Variants in DDX23 observed in about 807,000 individuals in gnomAD.
The protein encoded by DDX23 is DEAD-box helicase 23.
DDX23 carries 33 observed loss-of-function variants against 102.7 expected under a neutral mutation model. The observed-to-expected ratio is 0.32, with a 90% CI of 0.24 to 0.43. The LOEUF (loss-of-function observed/expected upper bound fraction) is 0.43, where lower values mean the gene tolerates loss of function less well. DDX23 is among the 20% of genes least tolerant of loss of function. DDX23 has a pLI of 1.00. For synonymous variants in DDX23, 352 were observed against 376.0 expected (o/e 0.94, Z 0.74); for missense variants, 549 against 1,086.6 (o/e 0.51, Z 6.96).
At chr12:48,843,426 C>T (rs898893383) in intron 3 of DDX23, among the ~76,000 whole-genome samples, 1 of 151,804 alleles carries the variant, frequency 6.6e-6, no homozygotes, top group Non-Finnish European at 1.5e-5. Flanking sequence ...GATCACACCA[C>T]TGCACTCCAG....
chr12:48,850,863 G>A (rs772700490), intron 1 of DDX23, among the ~76,000 whole-genome samples: 8 of 152,170 alleles, frequency 5.3e-5, no homozygotes, highest in Non-Finnish European at 1.0e-4. Context: ...CAGTTGCATT[G>A]CGGGAATGGA....
intron 2 of DDX23, among the ~76,000 whole-genome samples, chr12:48,845,134 A>G (rs1938642382): frequency 6.8e-6 from 1 of 146,948 alleles, no homozygotes; most frequent in African/African-American, 2.6e-5. Flanking sequence ...CCTGGGAAAC[A>G]AGAGTGAAAC....
Position 48,832,758 on chromosome 12 carries a change from G to C in DDX23, c.1804-185C>G. On this transcript the variant is annotated intron_variant, in intron 13 of 16. Transcript: ENST00000308025. This position sits in a 1 kb window ranked among gnomAD's most constrained non-coding sequence, Gnocchi z 4.4. The stretch of plus-strand genomic sequence containing the variant: ...CCTTCCTGAGTACCTGCTCATCAAG[G>C]CACTTTCCATCTTATGATGACAGGA... 1 of 707,766 alleles carries C rather than the reference G, an allele frequency of 1.4e-6. No homozygotes were observed. Among genetic ancestry groups the C allele is most frequent in the Middle Eastern group, 4.2e-4 (1 of 2,386 alleles). 43.8% of individuals were successfully genotyped at this position (707,766 alleles called of 1,614,324 possible).
intron 3 of DDX23, among the ~76,000 whole-genome samples, chr12:48,840,550 AT>A (rs747756955): frequency 0.41 from 53,491 of 131,826 alleles, 9,626 homozygotes; most frequent in East Asian, 0.53. Flanking sequence ...TTAGAGAAAA[AT>A]TTTTTTTTTT....
intron 5 of DDX23, 184 bp downstream of exon 5, chr12:48,839,656 TGAGG>T (rs1299003868): frequency 1.7e-6 from 1 of 588,210 alleles, no homozygotes; most frequent in African/African-American, 1.9e-5. Flanking sequence ...TGTGAAGAGC[TGAGG>T]AAGAAGACAG....
chr12:48,838,132 C>G, intron 5 of DDX23, 52 bp from the exon 6 acceptor site: 1 of 1,609,552 alleles, frequency 6.2e-7, no homozygotes, highest in Non-Finnish European at 8.5e-7. Flanking sequence ...AGGGTACAAT[C>G]ACATCACTGA....
intron 1 of DDX23, among the ~76,000 whole-genome samples, chr12:48,850,679 C>A (rs560953236): frequency 6.6e-6 from 1 of 152,156 alleles, no homozygotes; most frequent in African/African-American, 2.4e-5. Flanking sequence ...GAACTAGCAG[C>A]CAGTGAGAAA....
intron 3 of DDX23, among the ~76,000 whole-genome samples, chr12:48,840,398 C>T (rs1445451794): frequency 3.3e-5 from 5 of 152,148 alleles, no homozygotes; most frequent in South Asian, 2.1e-4. Flanking sequence ...AGGCCAGGCG[C>T]GGTGTCTCAT....
chr12:48,839,776 A>G, intron 5 of DDX23, 68 bp downstream of exon 5: 1 of 1,514,992 alleles, frequency 6.6e-7, no homozygotes, highest in Non-Finnish European at 9.1e-7. Flanking sequence ...CTGTCGTTGA[A>G]GTCACCCAGT....
intron 11 of DDX23, chr12:48,834,804 G>A (rs188016613): frequency 5.1e-4 from 120 of 233,414 alleles, no homozygotes; most frequent in African/African-American, 2.0e-3. Context: ...CGTGGTGGCC[G>A]GCGCCTGTAA....
In DDX23 at chr12:48,830,730, A is replaced by C; in HGVS notation, c.2240-38T>G. The C allele has an allele frequency of 6.4e-7, 1 of 1,556,472 alleles. No homozygotes were observed. Among genetic ancestry groups the C allele is most frequent in the Non-Finnish European group, 8.7e-7 (1 of 1,148,980 alleles). On this transcript the variant is annotated intron_variant, in intron 16 of 16. Coordinates refer to ENST00000308025, the MANE Select transcript of DDX23 (RefSeq NM_004818.3). The surrounding 1 kb of genome is among the most constrained non-coding windows in gnomAD (Gnocchi z 4.9). ...AAGAACGTCACTCAGCATAGCCCAG[A>C]TGCCCTGGGGAGCCGTGTCTGATGC...
chr12:48,839,944 T>G, intron 4 of DDX23, 35 bp from the exon 5 acceptor site: 1 of 1,612,432 alleles, frequency 6.2e-7, no homozygotes, highest in Non-Finnish European at 8.5e-7. Flanking sequence ...CTATAAAGGC[T>G]CTCTCCCTTT....
Position 48,836,665 on chromosome 12 carries a change from G to A in DDX23, c.1140C>T (p.Thr380=). 1 of 1,614,202 alleles carries A rather than the reference G, an allele frequency of 6.2e-7. No individual in the cohort carries two copies. The highest frequency in any genetic ancestry group is 1.1e-5 in the South Asian group (1 of 91,080). ...GATTGGGGATCTTGCCACCTTTGGT[G>A]GTGATGCTGTAGTCCTCACGGAAGA... is the stretch of plus-strand genomic sequence containing the variant. ...WRIFREDYSI[T]TKGGKIPNPI... The change falls in exon 10 of 17, where the codon ACC becomes ACT. Residue 380 remains threonine, a synonymous_variant. Transcript: ENST00000308025. This position sits in a 1 kb window ranked among gnomAD's most constrained non-coding sequence, Gnocchi z 6.1.
chr12:48,833,684 ACTTGT>A, intron 12 of DDX23, 165 bp from the exon 13 acceptor site: 1 of 818,424 alleles, frequency 1.2e-6, no homozygotes, highest in Non-Finnish European at 1.9e-6. Flanking sequence ...GCATGAAATC[ACTTGT>A]TGCCTGGATT....
chr12:48,842,496 G>A (rs1938579677), intron 3 of DDX23, among the ~76,000 whole-genome samples: 1 of 141,620 alleles, frequency 7.1e-6, no homozygotes, highest in Non-Finnish European at 1.6e-5. Flanking sequence ...CGGGAGGAAG[G>A]TGGGGGGGTC....
chr12:48,832,202 G>C lies in DDX23; in HGVS notation c.1956-16C>G, dbSNP rs1565675123. 6.2e-7 allele frequency: 1 copy of C among 1,613,268 alleles called. No individual in the cohort carries two copies. The highest frequency in any genetic ancestry group is 8.5e-7 in the Non-Finnish European group (1 of 1,179,484). ...CAGCTTTTTCCTGGAAGGAAGAGGA[G>C]AAAAACAAGATGCATAATACCTCCC... is the stretch of plus-strand genomic sequence containing the variant. On this transcript the variant is annotated splice_polypyrimidine_tract_variant and intron_variant, in intron 14 of 16. Coordinates refer to ENST00000308025, the MANE Select transcript of DDX23 (RefSeq NM_004818.3). This position sits in a 1 kb window ranked among gnomAD's most constrained non-coding sequence, Gnocchi z 4.4.
rs1242891598 is a variant in DDX23 at position 48,830,460 on chromosome 12, A to G, written c.*9T>C. On this transcript the variant is annotated 3_prime_UTR_variant, in exon 17 of 17. Transcript: ENST00000308025. The surrounding 1 kb of genome is among the most constrained non-coding windows in gnomAD (Gnocchi z 4.9). Reference sequence around the variant, plus strand: ...GGAGATGCCCTCAGCCCACAGGAAGAGTGCTGTGTCAGGCAAAGATGGTCT... The same window carrying G: ...GGAGATGCCCTCAGCCCACAGGAAGGGTGCTGTGTCAGGCAAAGATGGTCT... 1 of 1,613,876 alleles carries G rather than the reference A, an allele frequency of 6.2e-7. No individual in the cohort carries two copies. Among genetic ancestry groups the G allele is most frequent in the East Asian group, 2.2e-5 (1 of 44,866 alleles).
Position 48,832,184 on chromosome 12 carries a change from T to C in DDX23, c.1958A>G (p.Lys653Arg). The C allele has an allele frequency of 6.2e-7, 1 of 1,614,078 alleles. No homozygotes were observed. Among genetic ancestry groups the C allele is most frequent in the East Asian group, 2.2e-5 (1 of 44,882 alleles). The part of the protein sequence containing the change: ...VFLMSESEKR[K>R]KLLAILEQGF... Reference sequence around the variant, plus strand: ...TTGCTCCAAGATTGCCAGCAGCTTTTTCCTGGAAGGAAGAGGAGAAAAACA... The same window carrying C: ...TTGCTCCAAGATTGCCAGCAGCTTTCTCCTGGAAGGAAGAGGAGAAAAACA... The change falls in exon 15 of 17, where the codon AAA becomes AGA. Residue 653 changes from lysine to arginine, a missense_variant and splice_region_variant. Lys to Arg is a conservative substitution (Grantham distance 26). This residue lies in a region of DDX23 where 270 missense variants were observed against 707.0 expected (regional missense o/e 0.38). Transcript: ENST00000308025. The surrounding 1 kb of genome is among the most constrained non-coding windows in gnomAD (Gnocchi z 4.4).
chr12:48,841,158 G>T (rs1387534909), intron 3 of DDX23, among the ~76,000 whole-genome samples: 2 of 152,012 alleles, frequency 1.3e-5, no homozygotes, highest in Non-Finnish European at 2.9e-5. Context: ...GGCCGAGGTG[G>T]CCGGATCACC....
Sources: gnomAD v4.1 joint callset for allele counts (sites outside exome capture counted in the v4.1 genomes callset) on GRCh38, gnomAD v4.1.1 for gene constraint, gnomAD v4.1.1 regional missense constraint, Gnocchi (gnomAD v3.1) non-coding constraint, MANE v1.5 for transcripts, NCBI Gene and HGNC (gene_info 2026-07-23, HGNC 2026-07-21) for gene names.